FTO: variants seen among roughly 807,000 people sequenced by gnomAD.
The protein encoded by FTO is alpha-ketoglutarate-dependent dioxygenase FTO.
A neutral mutation model predicts 63.9 loss-of-function variants in FTO; 47 were observed. That is an observed-to-expected ratio of 0.74 (90% CI 0.58 to 0.94). The LOEUF is 0.94. Ranked by LOEUF, FTO falls within the 40% of genes least tolerant of loss-of-function variation. FTO has a pLI of 0.00. For missense variants in FTO, 562 were observed against 618.1 expected (o/e 0.91, Z 0.96); for synonymous variants, 207 against 224.4 (o/e 0.92, Z 0.69).
At chr16:53,806,041 C>T (rs1374877514) in intron 1 of FTO, among the ~76,000 whole-genome samples, 3 of 152,228 alleles carry the variant, frequency 2.0e-5, no homozygotes, top group African/African-American at 4.8e-5. Flanking sequence ...GACAGTCAAA[C>T]GTGAGCTCCT....
intron 8 of FTO, among the ~76,000 whole-genome samples, chr16:53,954,676 G>A (rs192582741): frequency 3.8e-4 from 58 of 152,182 alleles, no homozygotes; most frequent in African/African-American, 1.2e-3. Context: ...GTAAAGAGAC[G>A]ACGGTTTCAG....
chr16:53,768,148 G>A (rs1274308658), intron 1 of FTO, among the ~76,000 whole-genome samples: 1 of 152,144 alleles, frequency 6.6e-6, no homozygotes, highest in East Asian at 1.9e-4. Flanking sequence ...AAACATTTGG[G>A]ATTTCCTTCC....
intron 8 of FTO, among the ~76,000 whole-genome samples, chr16:54,092,640 G>A (rs976795020): frequency 2.0e-5 from 3 of 152,122 alleles, no homozygotes; most frequent in African/African-American, 4.8e-5. Flanking sequence ...CCCACTCGCT[G>A]CCTCCCCAAA....
chr16:54,078,185 GT>G (rs1170747897), intron 8 of FTO, among the ~76,000 whole-genome samples: 1 of 151,570 alleles, frequency 6.6e-6, no homozygotes, highest in Non-Finnish European at 1.5e-5. Flanking sequence ...TACATCTAAA[GT>G]TTACATATAC....
intron 1 of FTO, among the ~76,000 whole-genome samples, chr16:53,777,333 C>T (rs2077484336): frequency 6.6e-6 from 1 of 152,102 alleles, no homozygotes; most frequent in South Asian, 2.1e-4. Context: ...TAGCATAATG[C>T]CCTCTAGATT....
chr16:53,812,996 G>A (rs1277314232), intron 2 of FTO, among the ~76,000 whole-genome samples: 1 of 152,168 alleles, frequency 6.6e-6, no homozygotes, highest in Non-Finnish European at 1.5e-5. Flanking sequence ...CAACTGCCAA[G>A]CCATTTCAGC....
intron 2 of FTO, among the ~76,000 whole-genome samples, chr16:53,822,814 A>T (rs2078903750): frequency 6.6e-6 from 1 of 152,134 alleles, no homozygotes; most frequent in African/African-American, 2.4e-5. Flanking sequence ...AGATGGCCTT[A>T]CAAAGCCTTG....
At position 54,113,168 on chromosome 16, in the gene FTO, T is replaced by A. The variant is rs2086925800; in HGVS notation, c.*1253T>A. ...GTGGGTGAGCTGACCTGGATGTAGA[T>A]GTTTTCCTCTCTCTTGCTGACCCCT... is the stretch of plus-strand genomic sequence containing the variant. On this transcript the variant is annotated 3_prime_UTR_variant, in exon 9 of 9. Transcript: ENST00000471389. 1 of 152,242 alleles carries A rather than the reference T, an allele frequency of 6.6e-6. No individual in the cohort carries two copies. Among genetic ancestry groups the A allele is most frequent in the South Asian group, 2.1e-4 (1 of 4,828 alleles). The allele number at this position is 152,242 out of a possible 1,614,324, so 9.4% of individuals were successfully genotyped here. A position where few individuals can be genotyped will look rare whatever the true frequency, so the allele number is the denominator to read the frequency against.
intron 7 of FTO, among the ~76,000 whole-genome samples, chr16:53,920,420 A>C (rs960177588): frequency 1.3e-5 from 2 of 152,222 alleles, no homozygotes; most frequent in African/African-American, 2.4e-5. Flanking sequence ...TTGCAGCCAA[A>C]AGCAGAGAAG....
At chr16:54,031,109 G>T (rs2084820756) in intron 8 of FTO, among the ~76,000 whole-genome samples, 1 of 152,166 alleles carries the variant, frequency 6.6e-6, no homozygotes, top group African/African-American at 2.4e-5. Flanking sequence ...CTGAGAAAGT[G>T]CCAGTGGACA....
chr16:54,020,701 G>T lies in FTO; in HGVS notation c.1364+86592G>T, dbSNP rs893562185. Among the ~76,000 whole-genome samples, 5 of 152,326 alleles carry T rather than the reference G, an allele frequency of 3.3e-5. No homozygotes were observed. The East Asian group carries it at 9.6e-4, about 29-fold the overall frequency. On this transcript the variant is annotated intron_variant, in intron 8 of 8. Coordinates refer to ENST00000471389, the MANE Select transcript of FTO (RefSeq NM_001080432.3). ...AATTTTCCTAGGTTGGTTGAGTGTGGTGGCTCATGCCTGTAATCCCAGCAC... is the reference window on the plus strand; with the variant it reads ...AATTTTCCTAGGTTGGTTGAGTGTGTTGGCTCATGCCTGTAATCCCAGCAC...
chr16:53,879,215 G>C (rs1337925633), intron 5 of FTO, among the ~76,000 whole-genome samples: 1 of 152,096 alleles, frequency 6.6e-6, no homozygotes, highest in Non-Finnish European at 1.5e-5. Flanking sequence ...AGTATATATA[G>C]AAAATGTATT....
intron 1 of FTO, among the ~76,000 whole-genome samples, chr16:53,756,461 G>A (rs192283031): frequency 6.6e-6 from 1 of 152,292 alleles, no homozygotes; most frequent in African/African-American, 2.4e-5. Flanking sequence ...GCATCAGAGT[G>A]TTTATATTTT....
At chr16:53,892,650 G>T (rs1381398681) in intron 7 of FTO, among the ~76,000 whole-genome samples, 1 of 152,004 alleles carries the variant, frequency 6.6e-6, no homozygotes, top group Admixed American at 6.6e-5. Flanking sequence ...AATGCATTTT[G>T]TCTGTTCTGC....
chr16:53,907,334 G>A (rs1371855039), intron 7 of FTO, among the ~76,000 whole-genome samples: 1 of 152,068 alleles, frequency 6.6e-6, no homozygotes, highest in African/African-American at 2.4e-5. Flanking sequence ...ATAAAGTGTT[G>A]GATATCTCAT....
At position 53,873,848 on chromosome 16, in the gene FTO, A is replaced by C; in HGVS notation, c.958A>C (p.Thr320Pro). 1 of 1,612,774 alleles carries C rather than the reference A, an allele frequency of 6.2e-7. No homozygotes were observed. The highest frequency in any genetic ancestry group is 8.5e-7 in the Non-Finnish European group (1 of 1,178,978). ...LAGSQPRFSS[T>P]HRVAECSTGT... Reference sequence around the variant, plus strand: ...CGGTTCACAACCTCGGTTTAGTTCCACCCACCGAGTGGCAGAGGTAAGTGT... The same window carrying C: ...CGGTTCACAACCTCGGTTTAGTTCCCCCCACCGAGTGGCAGAGGTAAGTGT... The change falls in exon 5 of 9, where the codon ACC becomes CCC. Residue 320 changes from threonine to proline, a missense_variant. Coordinates refer to ENST00000471389, the MANE Select transcript of FTO (RefSeq NM_001080432.3).
intron 1 of FTO, among the ~76,000 whole-genome samples, chr16:53,765,715 G>A (rs2077184681): frequency 2.6e-5 from 4 of 152,086 alleles, no homozygotes. Flanking sequence ...AGGATGACAA[G>A]GGCATACATT....
chr16:54,077,582 G>A (rs903789697), intron 8 of FTO, among the ~76,000 whole-genome samples: 2 of 152,138 alleles, frequency 1.3e-5, no homozygotes, highest in Non-Finnish European at 2.9e-5. Context: ...TAAGACACGG[G>A]CAGCGGTAGG....
At chr16:53,805,805 A>G (rs1376463293) in intron 1 of FTO, among the ~76,000 whole-genome samples, 1 of 152,084 alleles carries the variant, frequency 6.6e-6, no homozygotes, top group Admixed American at 6.5e-5. Flanking sequence ...AGCTGTGGAA[A>G]TGGGTGGTAG....
Sources: gnomAD v4.1 joint callset for allele counts (sites outside exome capture counted in the v4.1 genomes callset) on GRCh38, gnomAD v4.1.1 for gene constraint, MANE v1.5 for transcripts, NCBI Gene and HGNC (gene_info 2026-07-23, HGNC 2026-07-21) for gene names.